ABCA13: variants seen among roughly 807,000 people sequenced by gnomAD.
ABCA13 encodes ATP binding cassette subfamily A member 13.
A neutral mutation model predicts 478.7 loss-of-function variants in ABCA13; 476 were observed. The ratio of observed to expected loss-of-function variants is 0.99; its 90% CI spans 0.92 to 1.07. The LOEUF (loss-of-function observed/expected upper bound fraction) is 1.07. Ranked by LOEUF, ABCA13 falls within the 50% of genes least tolerant of loss-of-function variation. The pLI, the probability that ABCA13 is intolerant of heterozygous loss-of-function variation, is 0.00. For synonymous variants in ABCA13, 2,252 were observed against 2,158.9 expected, an observed-to-expected ratio of 1.04 and a Z score of -1.20; for missense variants, 6,060 against 5,910.6, an observed-to-expected ratio of 1.03 and a Z score of -0.83.
Position 48,455,162 on chromosome 7 carries a change from C to A in ABCA13, c.12691C>A (p.Leu4231Met). The change falls in exon 43 of 62, where the codon CTG (leucine) becomes ATG (methionine). Residue 4231 changes from leucine (L) to methionine (M), a missense_variant. Physicochemically the swap from Leu to Met is conservative, Grantham distance 15 (BLOSUM62 2). Coordinates refer to ENST00000435803, the MANE Select transcript of ABCA13 (RefSeq NM_152701.5). Reference sequence around the variant, plus strand: ...CGGGAAGAGCACCCTCGCCGACCTGCTGCTGCCAGTCCTCTTCGTGGCCTT... The same window carrying A: ...CGGGAAGAGCACCCTCGCCGACCTGATGCTGCCAGTCCTCTTCGTGGCCTT... ...RAGKSTLADL[L>M]LPVLFVALAM... The A allele has an allele frequency of 6.3e-7, 1 of 1,584,584 alleles. No homozygotes were observed.
intron 3 of ABCA13, among the ~76,000 whole-genome samples, chr7:48,204,659 C>T (rs1331430581): frequency 6.6e-6 from 1 of 152,176 alleles, no homozygotes; most frequent in African/African-American, 2.4e-5. Flanking sequence ...TTCCTCCGCA[C>T]CTTCCACCGC....
chr7:48,421,851 A>G (rs1430680160), intron 41 of ABCA13, among the ~76,000 whole-genome samples: 1 of 152,038 alleles, frequency 6.6e-6, no homozygotes, highest in Non-Finnish European at 1.5e-5. Context: ...CTCTTGCCTT[A>G]TTTGTACCGC....
chr7:48,395,254 T>A (rs925845292), intron 38 of ABCA13, among the ~76,000 whole-genome samples: 3 of 152,212 alleles, frequency 2.0e-5, no homozygotes, highest in African/African-American at 7.2e-5. Flanking sequence ...GAGGATGGGG[T>A]GGGCTGGGGT....
rs1232586606 is a variant in ABCA13, at chr7:48,392,098, G to GACATGATC, written c.11832_11833insACATGATC (p.Pro3945ThrfsTer2). The GACATGATC allele has an allele frequency of 6.2e-6, 10 of 1,613,802 alleles. No homozygotes were observed. Among genetic ancestry groups the GACATGATC allele is most frequent in the Non-Finnish European group, 8.5e-6 (10 of 1,179,880 alleles). ...TGCTGCTCTTTGCTTCCATAAAGGCGCCTCAGTGGACCAAGAAGGAGCTGC... is the reference window on the plus strand; with the variant it reads ...TGCTGCTCTTTGCTTCCATAAAGGCGACATGATCCCTCAGTGGACCAAGAAGGAGCTGC... On this transcript the variant is annotated stop_gained and frameshift_variant, in exon 38 of 62. Transcript: ENST00000435803. LOFTEE classifies it high-confidence loss of function.
rs1160927950 is a variant in ABCA13 at position 48,219,461 on chromosome 7, C to G, written c.395C>G (p.Ala132Gly). ...GAAATTCATGGAATGATGGACAAGGCAAAAAACTTAAAAAGACTTTGGGTA... is the reference window on the plus strand; with the variant it reads ...GAAATTCATGGAATGATGGACAAGGGAAAAAACTTAAAAAGACTTTGGGTA... The part of the protein sequence containing the change: ...AEEIHGMMDK[A>G]KNLKRLWVER... The change falls in exon 4 of 62, where the codon GCA becomes GGA. Residue 132 changes from alanine to glycine, a missense_variant. By Grantham distance (60) the Ala-to-Gly change is moderately conservative. This residue lies in a region of ABCA13 where 4,423 missense variants were observed against 4,309.1 expected (regional missense o/e 1.03). Transcript: ENST00000435803. 1 of 1,612,552 alleles carries G rather than the reference C, an allele frequency of 6.2e-7. No homozygotes were observed. The highest frequency in any genetic ancestry group is 1.3e-5 in the African/African-American group (1 of 74,754).
intron 55 of ABCA13, among the ~76,000 whole-genome samples, chr7:48,569,952 C>T (rs1322463277): frequency 6.6e-6 from 1 of 152,122 alleles, no homozygotes; most frequent in Non-Finnish European, 1.5e-5. Context: ...AGTTCTAAGT[C>T]TCTATAGTCT....
chr7:48,520,566 A>G (rs1018579799), intron 53 of ABCA13, among the ~76,000 whole-genome samples: 1 of 151,304 alleles, frequency 6.6e-6, no homozygotes, highest in African/African-American at 2.5e-5. Flanking sequence ...AATTTTTTTT[A>G]TTGTACTTTA....
intron 35 of ABCA13, among the ~76,000 whole-genome samples, chr7:48,382,977 C>G (rs1349268498): frequency 6.6e-6 from 1 of 152,094 alleles, no homozygotes. Flanking sequence ...TGCCCTGCTC[C>G]TTTGTCACTG....
chr7:48,363,169 A>G (rs1811152554), intron 31 of ABCA13, among the ~76,000 whole-genome samples: 1 of 152,204 alleles, frequency 6.6e-6, no homozygotes, highest in African/African-American at 2.4e-5. Context: ...CTCATAAGAT[A>G]ATATAACCTG....
intron 3 of ABCA13, among the ~76,000 whole-genome samples, chr7:48,214,054 T>G (rs1786079080): frequency 6.6e-6 from 1 of 152,218 alleles, no homozygotes. Context: ...TCTTAAATAA[T>G]AAGATTTGAA....
At chr7:48,256,369 C>G (rs1793386977) in intron 15 of ABCA13, among the ~76,000 whole-genome samples, 1 of 151,978 alleles carries the variant, frequency 6.6e-6, no homozygotes, top group Non-Finnish European at 1.5e-5. Context: ...GAAATCTTTT[C>G]CTGTTCCCAT....
At chr7:48,411,007 CTTTCTTTCTT>C (rs1478717423) in intron 40 of ABCA13, among the ~76,000 whole-genome samples, 1 of 111,656 alleles carries the variant, frequency 9.0e-6, no homozygotes, top group East Asian at 2.8e-4. Flanking sequence ...TTCTTTCTTT[CTTTCTTTCTT>C]TCTTTCTTTC....
chr7:48,588,927 C>A (rs1789467593), intron 57 of ABCA13, among the ~76,000 whole-genome samples: 1 of 152,162 alleles, frequency 6.6e-6, no homozygotes, highest in Non-Finnish European at 1.5e-5. Flanking sequence ...TGCATGATCA[C>A]ACCTTTTATT....
intron 39 of ABCA13, chr7:48,404,685 C>T (rs935585093): frequency 1.3e-5 from 2 of 152,192 alleles, no homozygotes; most frequent in Admixed American, 6.5e-5. Flanking sequence ...AAGAAAGAGT[C>T]CTTCTTTTTC....
At chr7:48,579,806 GT>G (rs1035875288) in intron 55 of ABCA13, among the ~76,000 whole-genome samples, 11 of 152,220 alleles carry the variant, frequency 7.2e-5, no homozygotes, top group South Asian at 4.2e-4. Context: ...GTGGACTAGG[GT>G]TGTCTCATTA....
At chr7:48,449,855 G>T (rs1241906840) in intron 42 of ABCA13, among the ~76,000 whole-genome samples, 1 of 152,102 alleles carries the variant, frequency 6.6e-6, no homozygotes, top group African/African-American at 2.4e-5. Context: ...CCATGTCTTT[G>T]CATGAGATTC....
intron 55 of ABCA13, among the ~76,000 whole-genome samples, chr7:48,555,108 T>A (rs1785678896): frequency 6.6e-6 from 1 of 151,942 alleles, no homozygotes; most frequent in African/African-American, 2.4e-5. Context: ...TGTTTATCCT[T>A]CATTCTGTTG....
chr7:48,404,247 G>C (rs1443180373), intron 39 of ABCA13: 1 of 284,882 alleles, frequency 3.5e-6, no homozygotes, highest in Non-Finnish European at 7.0e-6. Flanking sequence ...AAGGCTCAGA[G>C]AGACGGGCAT....
At chr7:48,525,212 T>C (rs1191632929) in intron 54 of ABCA13, among the ~76,000 whole-genome samples, 1 of 152,184 alleles carries the variant, frequency 6.6e-6, no homozygotes, top group Non-Finnish European at 1.5e-5. Context: ...CTCTGAACTA[T>C]GATTTCTGGT....
Sources: allele counts gnomAD v4.1 joint callset (sites outside exome capture counted in the v4.1 genomes callset), GRCh38; gene constraint gnomAD v4.1.1; regional missense constraint gnomAD v4.1.1; transcripts MANE v1.5; gene names NCBI Gene and HGNC (gene_info 2026-07-23, HGNC 2026-07-21).